ARMC3: variants seen among roughly 807,000 people sequenced by gnomAD.
ARMC3 encodes armadillo repeat containing 3, also known as armadillo repeat-containing protein 3.
Under a neutral mutation model 90.3 loss-of-function variants are expected in ARMC3, and 74 were observed. The ratio of observed to expected loss-of-function variants is 0.82; its 90% CI spans 0.68 to 0.99. The LOEUF is 0.99. ARMC3 is among the 50% of genes least tolerant of loss of function. ARMC3 has a pLI of 0.00. For missense variants in ARMC3, 958 were observed against 1,042.8 expected, an observed-to-expected ratio of 0.92 and a Z score of 1.12; for synonymous variants, 334 against 361.8, an observed-to-expected ratio of 0.92 and a Z score of 0.87.
intron 18 of ARMC3, among the ~76,000 whole-genome samples, chr10:23,035,102 C>A (rs921320324): frequency 6.6e-6 from 1 of 152,176 alleles, no homozygotes; most frequent in Non-Finnish European, 1.5e-5. Flanking sequence ...GATTCAGTGT[C>A]TACTGAGGGC....
chr10:23,012,916 G>A, intron 16 of ARMC3, among the ~76,000 whole-genome samples: 1 of 141,264 alleles, frequency 7.1e-6, no homozygotes, highest in Admixed American at 7.1e-5. Flanking sequence ...TTGAGACAGA[G>A]TCTCACTCTA....
chr10:23,010,951 T>TTCCCG (rs1837984117), intron 16 of ARMC3, among the ~76,000 whole-genome samples: 1 of 110,692 alleles, frequency 9.0e-6, no homozygotes, highest in Non-Finnish European at 1.9e-5. Context: ...TTCCCTTCCC[T>TTCCCG]TCCCTGTTCT....
At chr10:22,980,105 A>G (rs954421223) in intron 8 of ARMC3, among the ~76,000 whole-genome samples, 5 of 152,150 alleles carry the variant, frequency 3.3e-5, no homozygotes, top group African/African-American at 9.7e-5. Context: ...TTCTGAAAAT[A>G]TTTCTGAAAA....
Position 22,962,031 on chromosome 10 carries a change from A to G in ARMC3, c.685A>G (p.Arg229Gly). ...ANDKESRTMLRDNQGLDHLIK... is the reference protein window; with the variant it reads ...ANDKESRTMLGDNQGLDHLIK... ...TGATAAGGAGTCTCGAACAATGCTA[A>G]GAGACAATCAAGGATTGGACCATCT... The change falls in exon 7 of 19, where the codon AGA (arginine) becomes GGA (glycine). Residue 229 changes from arginine (R) to glycine (G), a missense_variant. By Grantham distance (125) the Arg-to-Gly change is moderately radical. Coordinates refer to ENST00000298032, the MANE Select transcript of ARMC3 (RefSeq NM_173081.5). 6.2e-7 allele frequency: 1 copy of G among 1,605,924 alleles called. No individual in the cohort carries two copies.
intron 16 of ARMC3, among the ~76,000 whole-genome samples, chr10:23,009,346 G>T (rs377414832): frequency 6.6e-6 from 1 of 151,966 alleles, no homozygotes; most frequent in Non-Finnish European, 1.5e-5. Context: ...CTCTCCTCCC[G>T]CCCCACTTTT....
At chr10:22,949,726 G>A (rs572142207) in intron 3 of ARMC3, among the ~76,000 whole-genome samples, 9 of 152,108 alleles carry the variant, frequency 5.9e-5, no homozygotes, top group Non-Finnish European at 1.2e-4. Context: ...TAAATCTGAT[G>A]AAAACTCTAA....
intron 18 of ARMC3, among the ~76,000 whole-genome samples, chr10:23,035,035 A>G (rs140443814): frequency 2.3e-4 from 35 of 152,300 alleles, no homozygotes; most frequent in African/African-American, 7.5e-4. Flanking sequence ...ATTAAACAGC[A>G]TTTATTTATT....
chr10:22,983,155 A>G (rs1043235494), intron 10 of ARMC3, among the ~76,000 whole-genome samples: 10 of 152,208 alleles, frequency 6.6e-5, no homozygotes, highest in African/African-American at 1.7e-4. Flanking sequence ...CAGAGACACT[A>G]AACCATTTCT....
At chr10:22,980,770 A>G (rs1836150516) in intron 8 of ARMC3, among the ~76,000 whole-genome samples, 1 of 152,138 alleles carries the variant, frequency 6.6e-6, no homozygotes, top group African/African-American at 2.4e-5. Flanking sequence ...AATTTTTGCT[A>G]CTTAAGTATG....
At chr10:22,960,414 A>T (rs1835139165) in intron 6 of ARMC3, 1 of 152,262 alleles carries the variant, frequency 6.6e-6, no homozygotes, top group African/African-American at 2.4e-5. Context: ...GTCAAAATGC[A>T]GCAAAAGCAA....
chr10:22,959,266 T>C, intron 5 of ARMC3, 128 bp downstream of exon 5: 1 of 1,314,784 alleles, frequency 7.6e-7, no homozygotes, highest in Non-Finnish European at 1.1e-6. Flanking sequence ...CACAGCTCAA[T>C]TTTGAGTTTA....
At position 23,008,325 on chromosome 10, in the gene ARMC3, A is replaced by C. The variant is rs1199487730; in HGVS notation, c.1879A>C (p.Ser627Arg). 1 of 1,558,368 alleles carries C rather than the reference A, an allele frequency of 6.4e-7. No individual in the cohort carries two copies. The highest frequency in any genetic ancestry group is 8.8e-7 in the Non-Finnish European group (1 of 1,142,510). Residue 627 changes from serine (S) to arginine (R), a missense_variant, in exon 15 of 19, where the codon AGT (serine) becomes CGT (arginine). Transcript: ENST00000298032. The part of the protein sequence containing the change: ...EDKSDVGYGR[S>R]ISSSSSLRRS... The stretch of plus-strand genomic sequence containing the variant: ...TAAATCAGATGTTGGTTATGGACGA[A>C]GTATTTCTTCTTCATCTTCCTTAAG...
chr10:23,024,988 T>G (rs563421780), intron 16 of ARMC3, among the ~76,000 whole-genome samples: 21 of 152,220 alleles, frequency 1.4e-4, no homozygotes, highest in Admixed American at 1.4e-3. Flanking sequence ...CAAAGAAAAT[T>G]ACTAGAAATA....
intron 16 of ARMC3, among the ~76,000 whole-genome samples, chr10:23,018,540 G>A (rs1179468072): frequency 3.6e-4 from 36 of 98,794 alleles, no homozygotes; most frequent in South Asian, 2.3e-3. Context: ...TTTTTGAGAC[G>A]GAGTCTCGCA....
At chr10:22,965,860 A>G (rs1028547983) in intron 7 of ARMC3, among the ~76,000 whole-genome samples, 1 of 152,018 alleles carries the variant, frequency 6.6e-6, no homozygotes, top group Non-Finnish European at 1.5e-5. Context: ...TTGAAGTTTC[A>G]TTTCTCTATT....
In ARMC3 at chr10:23,003,414, G is replaced by A; in HGVS notation, c.1731G>A (p.Arg577=). The part of the protein sequence containing the change: ...IINDGFYDYG[R]INPGTKLLPL... ...ACGATGGATTCTATGATTATGGTCG[G>A]GTAAGTGACAGCATTTATTTGTAGT... The change falls in exon 13 of 19, where the codon CGG becomes CGA. Residue 577 remains arginine (R), a splice_region_variant and synonymous_variant. Coordinates refer to ENST00000298032, the MANE Select transcript of ARMC3 (RefSeq NM_173081.5). The A allele has an allele frequency of 6.3e-7, 1 of 1,585,766 alleles. No homozygotes were observed. The highest frequency in any genetic ancestry group is 8.6e-7 in the Non-Finnish European group (1 of 1,166,568).
chr10:22,984,753 A>G (rs36053598), intron 10 of ARMC3, among the ~76,000 whole-genome samples: 7,203 of 152,258 alleles, frequency 0.047, 188 homozygotes, highest in Middle Eastern at 0.058. Context: ...GTATTCATGA[A>G]TGAGGTTTCT....
intron 13 of ARMC3, among the ~76,000 whole-genome samples, chr10:23,004,658 G>C (rs557120048): frequency 2.6e-5 from 4 of 152,216 alleles, no homozygotes; most frequent in African/African-American, 9.6e-5. Context: ...AGAGGAGACA[G>C]GGCCATAAGT....
rs770452019 is a variant in ARMC3 at position 23,008,814 on chromosome 10, G to GA, written c.1934dup (p.Asn645LysfsTer2). On this transcript the variant is annotated frameshift_variant and splice_region_variant. Transcript: ENST00000298032. ...GTTGTGGTTTTTTTTCAAATGACAA[G>GA]AAAAAATAGTTATCATTTTAGTGCT... 47 of 1,607,492 alleles carry GA rather than the reference G, an allele frequency of 2.9e-5. No individual in the cohort carries two copies. In the South Asian group the frequency reaches 5.1e-4, roughly 17 times the overall value.
Sources: allele counts gnomAD v4.1 joint callset (sites outside exome capture counted in the v4.1 genomes callset), GRCh38; gene constraint gnomAD v4.1.1; transcripts MANE v1.5; gene names NCBI Gene and HGNC (gene_info 2026-07-23, HGNC 2026-07-21).